Variants in DEGS1 observed in about 807,000 individuals in gnomAD.
DEGS1 encodes the protein sphingolipid delta(4)-desaturase DES1.
In DEGS1, 17 loss-of-function variants were observed where a neutral mutation model predicts 24.1. That is an observed-to-expected ratio of 0.70 (90% confidence interval 0.48 to 1.06). The LOEUF is 1.06. DEGS1 is among the 50% of genes least tolerant of loss of function. The probability of loss-of-function intolerance (pLI) is 0.00; values close to 1 mark genes in which losing one functional copy is unlikely to be tolerated. For missense variants in DEGS1, 366 were observed against 408.9 expected (o/e 0.90, Z 0.91); for synonymous variants, 134 against 140.0 (o/e 0.96, Z 0.30).
chr1:224,183,489 G>C (rs949901257), intron 1 of DEGS1, 71 bp downstream of exon 1: 52 of 1,203,004 alleles, frequency 4.3e-5, no homozygotes, highest in Admixed American at 8.6e-5. Flanking sequence ...CTCCCCTCGC[G>C]GGCCCTGCGC....
intron 2 of DEGS1, among the ~76,000 whole-genome samples, chr1:224,191,970 G>C (rs1658547027): frequency 1.3e-5 from 2 of 152,142 alleles, no homozygotes; most frequent in African/African-American, 4.8e-5. Flanking sequence ...GCAGGGATCA[G>C]ATGTTGCCTT....
Position 224,189,686 on chromosome 1 carries a change from G to C in DEGS1, c.192G>C (p.Leu64Phe). The change falls in exon 2 of 3, where the codon TTG (leucine) becomes TTC (phenylalanine). Residue 64 changes from leucine to phenylalanine, a missense_variant. Transcript: ENST00000323699. ...QLGAFYIVKD[L>F]DWKWVIFGAY... ...GTGCATTTTACATAGTAAAAGACTT[G>C]GACTGGAAATGGGTCATATTTGGGG... 1 of 1,614,142 alleles carries C rather than the reference G, an allele frequency of 6.2e-7. No homozygotes were observed. Among genetic ancestry groups the C allele is most frequent in the Non-Finnish European group, 8.5e-7 (1 of 1,180,024 alleles).
chr1:224,183,859 C>G (rs1452114894), intron 1 of DEGS1: 2 of 153,636 alleles, frequency 1.3e-5, no homozygotes, highest in African/African-American at 4.8e-5. Flanking sequence ...TTGGGGCTGC[C>G]TGAGTGCTAG....
chr1:224,186,549 TA>T (rs1255065074), intron 1 of DEGS1, among the ~76,000 whole-genome samples: 1 of 151,744 alleles, frequency 6.6e-6, no homozygotes, highest in East Asian at 1.9e-4. Flanking sequence ...CCATCTCTAC[TA>T]AAAATACAAA....
Position 224,183,365 on chromosome 1 carries a change from T to C in DEGS1, c.29T>C (p.Phe10Ser). MGSRVSRED[F>S]EWVYTDQPHA... ...GGGAGCCGCGTCTCGCGGGAAGACT[T>C]CGAGTGGGTCTACACCGACCAGCCG... is the stretch of plus-strand genomic sequence containing the variant. The change falls in exon 1 of 3, where the codon TTC (phenylalanine) becomes TCC (serine). Residue 10 changes from phenylalanine (F) to serine (S), a missense_variant. By Grantham distance (155) the Phe-to-Ser change is radical. Transcript: ENST00000323699. The C allele has an allele frequency of 6.8e-7, 1 of 1,480,608 alleles. No individual in the cohort carries two copies. The highest frequency in any genetic ancestry group is 3.0e-5 in the East Asian group (1 of 33,062). The allele number at this position is 1,480,608 out of a possible 1,614,324, so 91.7% of individuals were successfully genotyped here.
chr1:224,190,303 G>C lies in DEGS1; in HGVS notation c.809G>C (p.Gly270Ala), dbSNP rs377178997. The C allele has an allele frequency of 2.8e-5, 41 of 1,486,748 alleles. 2 individuals are homozygous for C. In the Middle Eastern group the frequency reaches 1.3e-3, roughly 46 times the overall value. The allele number at this position is 1,486,748 out of a possible 1,614,324, so 92.1% of individuals were successfully genotyped here. Residue 270 changes from glycine to alanine, a missense_variant, in exon 2 of 3, where the codon GGA becomes GCA. Coordinates refer to ENST00000323699, the MANE Select transcript of DEGS1 (RefSeq NM_003676.4). Reference protein sequence around the residue: ...NEHHDFPNIPGKSLPLVRKIA... With the variant: ...NEHHDFPNIPAKSLPLVRKIA... ...CATCATGATTTCCCCAACATTCCTG[G>C]AAAAAGTCTTCCACTGGTAAGTAAA...
chr1:224,183,786 G>T (rs765242337), intron 1 of DEGS1: 18 of 169,652 alleles, frequency 1.1e-4, no homozygotes, highest in Non-Finnish European at 2.1e-4. Context: ...CCCTCAGGTG[G>T]GCGCCCTTTC....
intron 1 of DEGS1, among the ~76,000 whole-genome samples, chr1:224,187,997 G>A (rs1250002479): frequency 6.8e-6 from 1 of 148,092 alleles, no homozygotes; most frequent in Non-Finnish European, 1.5e-5. Context: ...GTCCTGTTAT[G>A]TTGCCCAGGC....
chr1:224,191,789 G>T (rs1266122294), intron 2 of DEGS1, among the ~76,000 whole-genome samples: 3 of 151,754 alleles, frequency 2.0e-5, no homozygotes, highest in African/African-American at 7.3e-5. Context: ...TAGAGATGGG[G>T]TTTCACCATA....
intron 1 of DEGS1, among the ~76,000 whole-genome samples, chr1:224,185,559 G>A (rs1007342823): frequency 5.3e-5 from 8 of 152,172 alleles, no homozygotes; most frequent in African/African-American, 1.9e-4. Context: ...GAGTGCAGTG[G>A]CCCAGTCTCG....
Position 224,183,417 on chromosome 1 carries a change from G to A in DEGS1, c.81G>A (p.Leu27=). The change falls in exon 1 of 3, where the codon CTG becomes CTA. Residue 27 remains leucine (L), a splice_region_variant and synonymous_variant. Transcript: ENST00000323699. ...QPHADRRREI[L]AKYPEIKSLM... ...ACGCCGACCGGCGCCGGGAGATCCT[G>A]GGTGAGGGCCAGCGGGCGCCCCGTT... The A allele has an allele frequency of 2.8e-6, 4 of 1,412,362 alleles. No individual in the cohort carries two copies. The highest frequency in any genetic ancestry group is 2.8e-6 in the Non-Finnish European group (3 of 1,072,776). 87.5% of individuals were successfully genotyped at this position (1,412,362 alleles called of 1,614,324 possible).
In DEGS1 at chr1:224,189,933, G is replaced by T. The variant is rs762972131; in HGVS notation, c.439G>T (p.Asp147Tyr). The T allele has an allele frequency of 6.2e-7, 1 of 1,614,044 alleles. No individual in the cohort carries two copies. The highest frequency in any genetic ancestry group is 1.3e-5 in the African/African-American group (1 of 74,904). ...ADGVDVDIPT[D>Y]FEGWFFCTAF... Reference sequence around the variant, plus strand: ...TGGCGTCGATGTAGATATTCCTACCGATTTTGAGGGCTGGTTCTTCTGTAC... The same window carrying T: ...TGGCGTCGATGTAGATATTCCTACCTATTTTGAGGGCTGGTTCTTCTGTAC... Residue 147 changes from aspartate (D) to tyrosine (Y), a missense_variant, in exon 2 of 3, where the codon GAT becomes TAT. Coordinates refer to ENST00000323699, the MANE Select transcript of DEGS1 (RefSeq NM_003676.4).
In DEGS1 at chr1:224,192,365, C is replaced by G; in HGVS notation, c.859C>G (p.Leu287Val). 1.9e-6 allele frequency: 3 copies of G among 1,613,356 alleles called. No individual in the cohort carries two copies. Among genetic ancestry groups the G allele is most frequent in the Non-Finnish European group, 2.5e-6 (3 of 1,179,774 alleles). The change falls in exon 3 of 3, where the codon CTC becomes GTC. Residue 287 changes from leucine to valine, a missense_variant. Physicochemically the swap from Leu to Val is conservative, Grantham distance 32. Coordinates refer to ENST00000323699, the MANE Select transcript of DEGS1 (RefSeq NM_003676.4). ...AATAGCAGCTGAATACTATGACAACCTCCCTCACTACAATTCCTGGATAAA... is the reference window on the plus strand; with the variant it reads ...AATAGCAGCTGAATACTATGACAACGTCCCTCACTACAATTCCTGGATAAA... ...RKIAAEYYDN[L>V]PHYNSWIKVL... is the part of the protein sequence containing the mutation.
chr1:224,185,203 C>G lies in DEGS1; in HGVS notation c.82+1785C>G, dbSNP rs563503956. ...GATGGGTTTCTCCGTGTTGCCCAGG[C>G]TGGTCTTGAACTCCTGGGCTCAAGC... On this transcript the variant is annotated intron_variant, in intron 1 of 2. Transcript: ENST00000323699. Among the ~76,000 whole-genome samples, 17 of 152,248 alleles carry G rather than the reference C, an allele frequency of 1.1e-4. No individual in the cohort carries two copies. The South Asian group carries it at 1.2e-3, about 11-fold the overall frequency.
In DEGS1 at chr1:224,192,635, ACAGT is replaced by A; in HGVS notation, c.*161_*164del. ...ACCAAGAAGTGAATCTGGCTTTTAAACAGTCAGCCTGACTCTGTACTGCTCAGTT... is the reference window on the plus strand; with the variant it reads ...ACCAAGAAGTGAATCTGGCTTTTAAACAGCCTGACTCTGTACTGCTCAGTT... On this transcript the variant is annotated 3_prime_UTR_variant, in exon 3 of 3. Coordinates refer to ENST00000323699, the MANE Select transcript of DEGS1 (RefSeq NM_003676.4). 1.5e-6 allele frequency: 1 copy of A among 670,176 alleles called. No homozygotes were observed. The highest frequency in any genetic ancestry group is 2.5e-6 in the Non-Finnish European group (1 of 400,664). The allele number at this position is 670,176 out of a possible 1,614,324, so 41.5% of individuals were successfully genotyped here.
chr1:224,185,503 G>A (rs1658358269), intron 1 of DEGS1, among the ~76,000 whole-genome samples: 1 of 150,894 alleles, frequency 6.6e-6, no homozygotes, highest in African/African-American at 2.4e-5. Context: ...ATATGAGATA[G>A]CATGATACTT....
At chr1:224,191,180 G>C (rs966152646) in intron 2 of DEGS1, 1 of 152,062 alleles carries the variant, frequency 6.6e-6, no homozygotes, top group African/African-American at 2.4e-5. Flanking sequence ...CTGAGGTCAG[G>C]AGTTCGAGAC....
intron 1 of DEGS1, among the ~76,000 whole-genome samples, chr1:224,183,997 C>T (rs553112826): frequency 6.6e-5 from 10 of 152,362 alleles, no homozygotes; most frequent in Admixed American, 2.0e-4. Context: ...GGCCGGCGTC[C>T]CTCCATATGC....
intron 1 of DEGS1, among the ~76,000 whole-genome samples, chr1:224,187,955 ATT>A (rs35997275): frequency 3.9e-4 from 58 of 148,296 alleles, no homozygotes; most frequent in African/African-American, 5.4e-4. Flanking sequence ...CATAATATAA[ATT>A]TTTTTTTTTT....
Sources: gnomAD v4.1 joint callset for allele counts (sites outside exome capture counted in the v4.1 genomes callset) on GRCh38, gnomAD v4.1.1 for gene constraint, MANE v1.5 for transcripts, NCBI Gene and HGNC (gene_info 2026-07-23, HGNC 2026-07-21) for gene names.